The following DNAJC7 variants were observed in gnomAD, a reference collection of about 807,000 sequenced individuals.
DNAJC7 encodes dnaJ homolog subfamily C member 7.
A neutral mutation model predicts 67.4 loss-of-function variants in DNAJC7; 18 were observed. That is an observed-to-expected ratio of 0.27 (90% CI 0.18 to 0.40). The LOEUF (loss-of-function observed/expected upper bound fraction) is 0.40. DNAJC7 is among the 10% of genes least tolerant of loss of function. The pLI is 1.00. For synonymous variants in DNAJC7, 220 were observed against 207.8 expected (o/e 1.06, Z -0.50); for missense variants, 419 against 613.8 (o/e 0.68, Z 3.35).
chr17:41,987,761 C>T, intron 9 of DNAJC7, 58 bp downstream of exon 9: 1 of 1,453,374 alleles, frequency 6.9e-7, no homozygotes, highest in Non-Finnish European at 9.4e-7. Flanking sequence ...ATCCACAAGG[C>T]AATTCCCCTG....
At chr17:41,990,812 G>A (rs1018302475) in intron 5 of DNAJC7, among the ~76,000 whole-genome samples, 4 of 151,826 alleles carry the variant, frequency 2.6e-5, no homozygotes, top group South Asian at 2.1e-4. Flanking sequence ...GACTACAGGC[G>A]CCCGCCACCA....
chr17:41,998,062 C>T (rs908461470), intron 2 of DNAJC7, among the ~76,000 whole-genome samples: 2 of 152,024 alleles, frequency 1.3e-5, no homozygotes, highest in African/African-American at 4.8e-5. Flanking sequence ...GGGGTTTTGC[C>T]GCGTTGGCCA....
chr17:42,000,668 T>A (rs1207533112), intron 1 of DNAJC7, 98 bp from the exon 2 acceptor site: 9 of 862,668 alleles, frequency 1.0e-5, no homozygotes, highest in African/African-American at 1.7e-5. Flanking sequence ...CGCAGCACAC[T>A]GAGCTGAAAG....
intron 10 of DNAJC7, among the ~76,000 whole-genome samples, chr17:41,983,161 G>T (rs893609867): frequency 6.6e-6 from 1 of 151,742 alleles, no homozygotes. Flanking sequence ...GTCTCGCTCC[G>T]TCACCCAGGC....
At chr17:41,993,497 T>C (rs782263320) in intron 5 of DNAJC7, among the ~76,000 whole-genome samples, 1 of 151,816 alleles carries the variant, frequency 6.6e-6, no homozygotes, top group Non-Finnish European at 1.5e-5. Flanking sequence ...AACAAAAAAA[T>C]TTACTGAGCA....
At position 41,981,883 on chromosome 17, in the gene DNAJC7, G is replaced by C. The variant is rs1410299923; in HGVS notation, c.1356C>G (p.Asp452Glu). 2 of 1,613,802 alleles carry C rather than the reference G, an allele frequency of 1.2e-6. No homozygotes were observed. Among genetic ancestry groups the C allele is most frequent in the African/African-American group, 1.3e-5 (1 of 74,888 alleles). The change falls in exon 12 of 14, where the codon GAC (aspartate) becomes GAG (glutamate). Residue 452 changes from aspartate (D) to glutamate (E), a missense_variant. Physicochemically the swap from Asp to Glu is conservative, Grantham distance 45 (BLOSUM62 2). Around this residue, in one of 4 missense-constraint regions of DNAJC7, gnomAD observed 161 missense variants for 252.2 expected, o/e 0.64. Transcript: ENST00000457167. Reference protein sequence around the residue: ...KKKTRYDSGQDLDEEGMNMGD... With the variant: ...KKKTRYDSGQELDEEGMNMGD... The stretch of plus-strand genomic sequence containing the variant: ...CCATATTCATGCCCTCCTCATCTAG[G>C]TCCTGTCCACTGTCATAGCGAGTCT...
intron 1 of DNAJC7, among the ~76,000 whole-genome samples, chr17:42,008,440 C>T (rs2052030956): frequency 6.6e-6 from 1 of 150,750 alleles, no homozygotes; most frequent in Admixed American, 6.6e-5. Context: ...GACGGAGTCT[C>T]GCTCTGTCAC....
intron 9 of DNAJC7, chr17:41,984,206 C>T (rs2051317913): frequency 6.6e-6 from 1 of 151,872 alleles, no homozygotes; most frequent in African/African-American, 2.4e-5. Context: ...GAACTCTAAA[C>T]ACAGGTTTGC....
chr17:42,000,120 AT>A (rs1249720000), intron 2 of DNAJC7, among the ~76,000 whole-genome samples: 1 of 119,278 alleles, frequency 8.4e-6, no homozygotes, highest in Admixed American at 9.2e-5. Context: ...AGCCTGGCCT[AT>A]TTTTTTTATC....
Position 41,982,385 on chromosome 17 carries a change from T to TA in DNAJC7, c.1100dup (p.Asn369LysfsTer10). 1 of 1,613,988 alleles carries TA rather than the reference T, an allele frequency of 6.2e-7. No homozygotes were observed. The highest frequency in any genetic ancestry group is 8.5e-7 in the Non-Finnish European group (1 of 1,179,872). On this transcript the variant is annotated frameshift_variant, in exon 11 of 14. Coordinates refer to ENST00000457167, the MANE Select transcript of DNAJC7 (RefSeq NM_003315.4). LOFTEE classifies it high-confidence loss of function. The stretch of plus-strand genomic sequence containing the variant: ...TCTTCAGTTCCAGCTGCGCATTTTT[T>TA]AGGAGCTGTTTGTGTTCTACAGGAA...
intron 2 of DNAJC7, 106 bp from the exon 3 acceptor site, chr17:41,997,345 T>G: frequency 7.0e-7 from 1 of 1,432,402 alleles, no homozygotes; most frequent in Non-Finnish European, 9.3e-7. Flanking sequence ...TCCCAGTACT[T>G]TGGGAGGCCA....
intron 4 of DNAJC7, among the ~76,000 whole-genome samples, chr17:41,995,729 C>T (rs1465882217): frequency 2.6e-5 from 4 of 152,184 alleles, no homozygotes; most frequent in East Asian, 1.9e-4. Flanking sequence ...TGTCATTAAG[C>T]GACACATACT....
Position 41,997,003 on chromosome 17 carries a change from A to G in DNAJC7, c.291+112T>C, listed in dbSNP as rs1453880532. ...AGTGCACAGTAAAGTCCCCCACAAC[A>G]AAGAATAATCTGGTCCCAAATGTCA... On this transcript the variant is annotated intron_variant, in intron 3 of 13. Transcript: ENST00000457167. 8 of 1,529,516 alleles carry G rather than the reference A, an allele frequency of 5.2e-6. No individual in the cohort carries two copies. In the African/African-American group the frequency reaches 6.9e-5, roughly 13 times the overall value. 94.7% of individuals were successfully genotyped at this position (1,529,516 alleles called of 1,614,324 possible). A position where few individuals can be genotyped will look rare whatever the true frequency, so the allele number is the denominator to read the frequency against.
chr17:41,998,025 G>C (rs1179275473), intron 2 of DNAJC7, among the ~76,000 whole-genome samples: 1 of 152,116 alleles, frequency 6.6e-6, no homozygotes, highest in African/African-American at 2.4e-5. Flanking sequence ...ACCACATCCA[G>C]CTAATTTTTG....
chr17:41,979,492 T>C (rs1231752593), intron 12 of DNAJC7, among the ~76,000 whole-genome samples: 1 of 147,314 alleles, frequency 6.8e-6, no homozygotes, highest in Admixed American at 6.8e-5. Context: ...GCCAACATGG[T>C]GAAACCCTGT....
At chr17:41,989,034 G>A in intron 7 of DNAJC7, 138 bp from the exon 8 acceptor site, 1 of 1,024,424 alleles carries the variant, frequency 9.8e-7, no homozygotes, top group Non-Finnish European at 1.4e-6. Flanking sequence ...CCCAATCTGG[G>A]CTATCTGTTG....
chr17:42,015,808 C>G (rs1187361789), intron 1 of DNAJC7: 9 of 152,050 alleles, frequency 5.9e-5, no homozygotes, highest in African/African-American at 2.2e-4. Context: ...GAGCTGAGGT[C>G]GCGCCACTAC....
intron 9 of DNAJC7, chr17:41,985,376 T>G: frequency 6.6e-6 from 1 of 152,072 alleles, no homozygotes; most frequent in East Asian, 1.9e-4. Flanking sequence ...AATGATACTT[T>G]GATACTGCAC....
chr17:41,982,234 C>T, intron 11 of DNAJC7, 21 bp downstream of exon 11: 1 of 1,613,568 alleles, frequency 6.2e-7, no homozygotes, highest in Non-Finnish European at 8.5e-7. Flanking sequence ...CCACTGAGCC[C>T]ACTCCCCGCA....
Sources: gnomAD v4.1 joint callset for allele counts (sites outside exome capture counted in the v4.1 genomes callset) on GRCh38, gnomAD v4.1.1 for gene constraint, gnomAD v4.1.1 regional missense constraint, MANE v1.5 for transcripts, NCBI Gene and HGNC (gene_info 2026-07-23, HGNC 2026-07-21) for gene names.